The following CAGE1 variants were observed in gnomAD, a reference collection of about 807,000 sequenced individuals.
The protein encoded by CAGE1 is cancer-associated gene 1 protein.
CAGE1 carries 66 observed loss-of-function variants against 94.9 expected under a neutral mutation model. The ratio of observed to expected loss-of-function variants is 0.70; its 90% confidence interval spans 0.57 to 0.85. The LOEUF (loss-of-function observed/expected upper bound fraction) is 0.85. Ranked by LOEUF, CAGE1 falls within the 40% of genes least tolerant of loss-of-function variation. The probability of loss-of-function intolerance (pLI) is 0.00; values close to 1 mark genes in which losing one functional copy is unlikely to be tolerated. For synonymous variants in CAGE1, 319 were observed against 321.0 expected (o/e 0.99, Z 0.07); for missense variants, 865 against 950.4 (o/e 0.91, Z 1.18).
At chr6:7,352,322 A>AAAAAAAAC (rs1759811955) in intron 11 of CAGE1, among the ~76,000 whole-genome samples, 1 of 150,072 alleles carries the variant, frequency 6.7e-6, no homozygotes. Context: ...AAAACAAAAA[A>AAAAAAAAC]AAAAAACCTA....
intron 1 of CAGE1, among the ~76,000 whole-genome samples, chr6:7,387,448 G>C (rs1057007901): frequency 6.6e-6 from 1 of 152,106 alleles, no homozygotes; most frequent in Admixed American, 6.5e-5. Flanking sequence ...TAGAAGTGAA[G>C]GGATCTCTGT....
intron 3 of CAGE1, among the ~76,000 whole-genome samples, chr6:7,381,235 C>G (rs755666336): frequency 6.6e-6 from 1 of 152,118 alleles, no homozygotes; most frequent in Non-Finnish European, 1.5e-5. Context: ...TAAAAGAGGT[C>G]ACAAGGGTAG....
At chr6:7,364,382 G>A (rs923924253) in intron 9 of CAGE1, among the ~76,000 whole-genome samples, 1 of 152,092 alleles carries the variant, frequency 6.6e-6, no homozygotes, top group Non-Finnish European at 1.5e-5. Flanking sequence ...TTAGTACCAG[G>A]GTTTATGTTT....
intron 3 of CAGE1, among the ~76,000 whole-genome samples, chr6:7,385,506 T>C (rs2113478338): frequency 6.6e-6 from 1 of 152,310 alleles, no homozygotes; most frequent in South Asian, 2.1e-4. Context: ...GTAGAAAATT[T>C]TTGTGTCTGA....
intron 9 of CAGE1, among the ~76,000 whole-genome samples, chr6:7,359,820 G>A (rs1051532019): frequency 6.6e-6 from 1 of 152,182 alleles, no homozygotes; most frequent in African/African-American, 2.4e-5. Flanking sequence ...CTAAAAAACT[G>A]AGGTCACACA....
At chr6:7,369,545 T>G (rs1019510103) in intron 6 of CAGE1, among the ~76,000 whole-genome samples, 16 of 152,104 alleles carry the variant, frequency 1.1e-4, no homozygotes, top group African/African-American at 3.9e-4. Flanking sequence ...TAACCAAACG[T>G]GGTATTTTAG....
In CAGE1 at chr6:7,373,102, C is replaced by T. The variant is rs1236941142; in HGVS notation, c.1717G>A (p.Glu573Lys). 6.2e-7 allele frequency: 1 copy of T among 1,608,782 alleles called. No individual in the cohort carries two copies. The highest frequency in any genetic ancestry group is 1.7e-5 in the Admixed American group (1 of 58,708). ...FETAQLKDQLEEVLKSDITKD... is the reference protein window; with the variant it reads ...FETAQLKDQLKEVLKSDITKD... The stretch of plus-strand genomic sequence containing the variant: ...GTAATATCTGACTTCAAGACTTCCT[C>T]TAATTGATCCTTTAACTGAGCTGTC... The change falls in exon 5 of 14, where the codon GAG (glutamate) becomes AAG (lysine). Residue 573 changes from glutamate (E) to lysine (K), a missense_variant. Physicochemically the swap from Glu to Lys is moderately conservative, Grantham distance 56 (BLOSUM62 1). Transcript: ENST00000502583.
chr6:7,354,316 T>TTGCC (rs1262930863), intron 11 of CAGE1, among the ~76,000 whole-genome samples: 1 of 152,218 alleles, frequency 6.6e-6, no homozygotes, highest in Admixed American at 6.5e-5. Context: ...AATTTAAAAC[T>TTGCC]TGCCTGCATT....
At chr6:7,345,448 G>A (rs1759440272) in intron 11 of CAGE1, among the ~76,000 whole-genome samples, 1 of 152,202 alleles carries the variant, frequency 6.6e-6, no homozygotes. Flanking sequence ...CATTCTTGAA[G>A]TGAGACCAAG....
intron 11 of CAGE1, among the ~76,000 whole-genome samples, chr6:7,353,986 T>C (rs1219208746): frequency 1.3e-5 from 2 of 151,924 alleles, no homozygotes; most frequent in Non-Finnish European, 2.9e-5. Flanking sequence ...ATAAATATGG[T>C]GCAGTGTATA....
chr6:7,345,321 A>C (rs191961585), intron 11 of CAGE1, among the ~76,000 whole-genome samples: 1 of 151,896 alleles, frequency 6.6e-6, no homozygotes, highest in Admixed American at 6.6e-5. Flanking sequence ...TGAACCAGCG[A>C]GACCACTAAA....
intron 13 of CAGE1, among the ~76,000 whole-genome samples, chr6:7,327,804 C>T (rs560581924): frequency 6.6e-6 from 1 of 152,186 alleles, no homozygotes; most frequent in Admixed American, 6.5e-5. Context: ...GTGGTACCTG[C>T]CTGTAACCCC....
At chr6:7,378,575 C>A (rs2113463939) in intron 4 of CAGE1, 42 bp downstream of exon 4, 1 of 1,501,260 alleles carries the variant, frequency 6.7e-7, no homozygotes. Flanking sequence ...TAGAACTATT[C>A]TCTTTATCAA....
intron 11 of CAGE1, among the ~76,000 whole-genome samples, chr6:7,345,602 A>T (rs1347907811): frequency 1.3e-5 from 2 of 152,168 alleles, no homozygotes; most frequent in African/African-American, 4.8e-5. Context: ...TTCATAGTAA[A>T]CAGCTGTTTC....
intron 13 of CAGE1, 74 bp downstream of exon 13, chr6:7,329,775 C>A: frequency 1.4e-6 from 1 of 737,306 alleles, no homozygotes; most frequent in Non-Finnish European, 2.4e-6. Context: ...TCAGGAACTC[C>A]TATTAAATCT....
chr6:7,336,235 G>A (rs1758948776), intron 11 of CAGE1, among the ~76,000 whole-genome samples: 1 of 152,230 alleles, frequency 6.6e-6, no homozygotes. Flanking sequence ...ACTCCTGAAG[G>A]AGGGAGATAC....
intron 4 of CAGE1, among the ~76,000 whole-genome samples, chr6:7,375,712 T>C (rs1376973748): frequency 6.6e-6 from 1 of 152,176 alleles, no homozygotes; most frequent in East Asian, 1.9e-4. Flanking sequence ...CAAGACACCT[T>C]GTATCTAAAA....
At chr6:7,331,360 G>C in intron 12 of CAGE1, 1 of 1,020,778 alleles carries the variant, frequency 9.8e-7, no homozygotes, top group Non-Finnish European at 1.4e-6. Flanking sequence ...GCAAATCCCA[G>C]GACAGCATAT....
In CAGE1 at chr6:7,387,071, T is replaced by C; in HGVS notation, c.103A>G (p.Thr35Ala). ...EKVESMSESD[T>A]MNVSNLSQGV... Reference sequence around the variant, plus strand: ...TGAGAAAGATTGCTGACATTCATGGTATCCGATTCTGACATGCTTTCTACT... The same window carrying C: ...TGAGAAAGATTGCTGACATTCATGGCATCCGATTCTGACATGCTTTCTACT... Residue 35 changes from threonine (T) to alanine (A), a missense_variant, in exon 2 of 14, where the codon ACC becomes GCC. Transcript: ENST00000502583. 6.4e-7 allele frequency: 1 copy of C among 1,551,668 alleles called. No homozygotes were observed. Among genetic ancestry groups the C allele is most frequent in the Non-Finnish European group, 8.7e-7 (1 of 1,146,798 alleles).
Sources: gnomAD v4.1 joint callset for allele counts (sites outside exome capture counted in the v4.1 genomes callset) on GRCh38, gnomAD v4.1.1 for gene constraint, MANE v1.5 for transcripts, NCBI Gene and HGNC (gene_info 2026-07-23, HGNC 2026-07-21) for gene names.